The following DHX32 variants were observed in gnomAD, a reference collection of about 807,000 sequenced individuals.
The protein encoded by DHX32 is putative pre-mRNA-splicing factor ATP-dependent RNA helicase DHX32.
A neutral mutation model predicts 70.0 loss-of-function variants in DHX32; 51 were observed. The ratio of observed to expected loss-of-function variants is 0.73; its 90% confidence interval spans 0.58 to 0.92. DHX32 has a LOEUF of 0.92. DHX32 is among the 40% of genes least tolerant of loss of function. The probability of loss-of-function intolerance (pLI) is 0.00; values close to 1 mark genes in which losing one functional copy is unlikely to be tolerated. For missense variants in DHX32, 762 were observed against 891.8 expected, an observed-to-expected ratio of 0.85 and a Z score of 1.85; for synonymous variants, 310 against 315.3, an observed-to-expected ratio of 0.98 and a Z score of 0.18.
At chr10:125,858,217 C>G (rs928799220) in intron 3 of DHX32, among the ~76,000 whole-genome samples, 1 of 152,110 alleles carries the variant, frequency 6.6e-6, no homozygotes, top group African/African-American at 2.4e-5. Flanking sequence ...CTGTTTTTCA[C>G]CTGGCAATTC....
chr10:125,867,332 C>T (rs960625385), intron 1 of DHX32, 149 bp from the exon 2 acceptor site: 12 of 655,662 alleles, frequency 1.8e-5, no homozygotes, highest in African/African-American at 3.6e-5. Context: ...TAGTGAAACT[C>T]TGAACAATAT....
chr10:125,880,484 T>C, intron 1 of DHX32, 59 bp downstream of exon 1: 1 of 1,506,632 alleles, frequency 6.6e-7, no homozygotes. Flanking sequence ...GACATGTCAT[T>C]AAATAACAAT....
In DHX32 at chr10:125,866,717, C is replaced by G. The variant is rs1447080934; in HGVS notation, c.476+273G>C. Among the ~76,000 whole-genome samples, 1 of 152,206 alleles carries G rather than the reference C, an allele frequency of 6.6e-6. No homozygotes were observed. The highest frequency in any genetic ancestry group is 1.9e-4 in the East Asian group (1 of 5,196). ...TGTGGACCCTGCATGAGGCATAGCT[C>G]CAGAAGCACACGCTTGAAGGTTCTG... On this transcript the variant is annotated intron_variant, in intron 2 of 10. Coordinates refer to ENST00000284690, the MANE Select transcript of DHX32 (RefSeq NM_018180.3). This position sits in a 1 kb window ranked among gnomAD's most constrained non-coding sequence, Gnocchi z 4.8.
intron 1 of DHX32, among the ~76,000 whole-genome samples, chr10:125,890,882 G>A (rs77816650): frequency 6.6e-6 from 1 of 152,034 alleles, no homozygotes; most frequent in Non-Finnish European, 1.5e-5. Flanking sequence ...ACTAGCCTGG[G>A]CAACACAGTG....
intron 2 of DHX32, among the ~76,000 whole-genome samples, chr10:125,862,331 A>T (rs974723974): frequency 6.6e-6 from 1 of 152,202 alleles, no homozygotes; most frequent in Non-Finnish European, 1.5e-5. Context: ...AGCAGTGATA[A>T]ATTGATGATT....
At chr10:125,882,039 C>T (rs1302953880), upstream of DHX32, among the ~76,000 whole-genome samples, 4 of 152,112 alleles carry the variant, frequency 2.6e-5, no homozygotes, top group Non-Finnish European at 4.4e-5. Context: ...CATGTCAGCT[C>T]CAAGAGGCCA....
intron 1 of DHX32, among the ~76,000 whole-genome samples, chr10:125,873,471 C>T (rs556677101): frequency 2.6e-5 from 4 of 152,206 alleles, no homozygotes; most frequent in African/African-American, 9.6e-5. Flanking sequence ...TCTCTAGGAC[C>T]ACCAATCCTG....
At chr10:125,861,268 C>T (rs1944186453) in intron 2 of DHX32, among the ~76,000 whole-genome samples, 1 of 151,608 alleles carries the variant, frequency 6.6e-6, no homozygotes, top group Non-Finnish European at 1.5e-5. Flanking sequence ...GAGGCCGAGG[C>T]AGGCGGATCA....
intron 6 of DHX32, among the ~76,000 whole-genome samples, chr10:125,848,749 G>C (rs1435622220): frequency 6.6e-6 from 1 of 152,196 alleles, no homozygotes; most frequent in African/African-American, 2.4e-5. Context: ...CTGTGGTGCA[G>C]AGCTCAGGTA....
rs1271686713 is a variant in DHX32, at chr10:125,880,692, C to T, written c.133G>A (p.Gly45Arg). 3 of 1,614,042 alleles carry T rather than the reference C, an allele frequency of 1.9e-6. No individual in the cohort carries two copies. Among genetic ancestry groups the T allele is most frequent in the Non-Finnish European group, 2.5e-6 (3 of 1,180,032 alleles). ...TAATAACGTGATGAATATGGCAATC[C>T]ATCAAAGGGGTTAAGTTCCAAATCC... ...CEDLELNPFD[G>R]LPYSSRYYKL... is the part of the protein sequence containing the mutation. The change falls in exon 1 of 11, where the codon GGA becomes AGA. Residue 45 changes from glycine to arginine, a missense_variant. Coordinates refer to ENST00000284690, the MANE Select transcript of DHX32 (RefSeq NM_018180.3).
At chr10:125,863,302 TG>T (rs1298299751) in intron 2 of DHX32, among the ~76,000 whole-genome samples, 2 of 152,094 alleles carry the variant, frequency 1.3e-5, no homozygotes, top group Non-Finnish European at 2.9e-5. Flanking sequence ...AGAACAAAGT[TG>T]TTACATATAG....
In DHX32 at chr10:125,857,644, T is replaced by C. The variant is rs948928471; in HGVS notation, c.849+1959A>G. Among the ~76,000 whole-genome samples the C allele has an allele frequency of 3.9e-5, 6 of 152,230 alleles. No individual in the cohort carries two copies. In the East Asian group the frequency reaches 1.2e-3, roughly 29 times the overall value. ...CTACCAGCCTGGATAATGATGCATG[T>C]TCTAAAGTTGACAGTTCAAAAGTCA... is the stretch of plus-strand genomic sequence containing the variant. On this transcript the variant is annotated intron_variant, in intron 3 of 10. Coordinates refer to ENST00000284690, the MANE Select transcript of DHX32 (RefSeq NM_018180.3).
At chr10:125,889,346 C>T (rs916857251) in intron 1 of DHX32, among the ~76,000 whole-genome samples, 4 of 152,174 alleles carry the variant, frequency 2.6e-5, no homozygotes, top group Admixed American at 2.0e-4. Flanking sequence ...AAACAATATA[C>T]TTACACTCTA....
intron 1 of DHX32, among the ~76,000 whole-genome samples, chr10:125,868,538 G>A (rs943681999): frequency 3.9e-5 from 6 of 152,164 alleles, no homozygotes; most frequent in African/African-American, 1.4e-4. Flanking sequence ...AAAGGCAAAT[G>A]CACTTCCTGC....
chr10:125,838,960 T>C, intron 9 of DHX32, 41 bp downstream of exon 9: 2 of 1,573,048 alleles, frequency 1.3e-6, no homozygotes, highest in Non-Finnish European at 1.7e-6. Flanking sequence ...GTATGTGCAA[T>C]TCAGCAGAGC....
intron 4 of DHX32, 155 bp downstream of exon 4, chr10:125,853,806 C>A: frequency 1.3e-6 from 1 of 793,670 alleles, no homozygotes; most frequent in Non-Finnish European, 1.9e-6. Context: ...TTGTTACTGG[C>A]TGCAATAATT....
At chr10:125,877,676 CCTCT>C (rs1210025461) in intron 1 of DHX32, among the ~76,000 whole-genome samples, 1 of 151,956 alleles carries the variant, frequency 6.6e-6, no homozygotes, top group African/African-American at 2.4e-5. Flanking sequence ...ACAGAACGAG[CCTCT>C]CTGTCTCAAA....
At chr10:125,888,571 G>C (rs61870748) in intron 1 of DHX32, among the ~76,000 whole-genome samples, 1 of 152,188 alleles carries the variant, frequency 6.6e-6, no homozygotes, top group Non-Finnish European at 1.5e-5. Flanking sequence ...TAGTAAATTA[G>C]TAATTTAAAA....
chr10:125,852,289 C>G lies in DHX32; in HGVS notation c.1351+4G>C, dbSNP rs1389189569. On this transcript the variant is annotated splice_donor_region_variant and intron_variant, in intron 6 of 10. Coordinates refer to ENST00000284690, the MANE Select transcript of DHX32 (RefSeq NM_018180.3). ...GCCTGGCTGACATGGGAGCATAAGG[C>G]TACCTGGTCTGTTCATGAAGTCACA... 6.2e-7 allele frequency: 1 copy of G among 1,613,416 alleles called. No individual in the cohort carries two copies. The highest frequency in any genetic ancestry group is 1.1e-5 in the South Asian group (1 of 91,050).
Sources: allele counts gnomAD v4.1 joint callset (sites outside exome capture counted in the v4.1 genomes callset), GRCh38; gene constraint gnomAD v4.1.1; non-coding constraint Gnocchi (gnomAD v3.1); transcripts MANE v1.5; gene names NCBI Gene and HGNC (gene_info 2026-07-23, HGNC 2026-07-21).